RBFOX1: variants seen among roughly 807,000 people sequenced by gnomAD.
The protein encoded by RBFOX1 is RNA binding protein fox-1 homolog 1.
RBFOX1 carries 8 observed loss-of-function variants against 57.7 expected under a neutral mutation model. The ratio of observed to expected loss-of-function variants is 0.14; its 90% confidence interval spans 0.08 to 0.25. The LOEUF (loss-of-function observed/expected upper bound fraction) is 0.25. Ranked by LOEUF, RBFOX1 falls within the 10% of genes least tolerant of loss-of-function variation. RBFOX1 has a pLI of 1.00. For missense variants in RBFOX1, 611 were observed against 548.5 expected (o/e 1.11, Z -1.14); for synonymous variants, 326 against 222.4 (o/e 1.47, Z -4.15).
chr16:7,024,423 G>T (rs923319033), intron 3 of RBFOX1, among the ~76,000 whole-genome samples: 1 of 152,012 alleles, frequency 6.6e-6, no homozygotes, highest in Admixed American at 6.6e-5. Context: ...TTTCTGTTTG[G>T]GGAACATTAA....
At chr16:6,274,305 T>G (rs1274171940) in intron 1 of RBFOX1, among the ~76,000 whole-genome samples, 1 of 152,164 alleles carries the variant, frequency 6.6e-6, no homozygotes, top group African/African-American at 2.4e-5. Context: ...CCTACATATA[T>G]TTCACTGGGC....
intron 4 of RBFOX1, among the ~76,000 whole-genome samples, chr16:7,273,242 CT>C (rs1567986011): frequency 4.2e-5 from 6 of 143,968 alleles, no homozygotes; most frequent in African/African-American, 1.5e-4. Flanking sequence ...TCCTTCCTTC[CT>C]TCCTTCCTTC....
At chr16:5,588,576 G>A (rs967738771) in intron 2 of RBFOX1, among the ~76,000 whole-genome samples, 1 of 152,068 alleles carries the variant, frequency 6.6e-6, no homozygotes, top group Non-Finnish European at 1.5e-5. Context: ...GGGCTGTTTT[G>A]TGTCTCTATG....
At chr16:6,913,721 G>A (rs1476674740) in intron 3 of RBFOX1, among the ~76,000 whole-genome samples, 5 of 152,220 alleles carry the variant, frequency 3.3e-5, no homozygotes, top group African/African-American at 2.4e-5. Context: ...CCTCCCCTGC[G>A]TACCCTCCTA....
At chr16:6,434,564 CA>C (rs1567265498) in intron 2 of RBFOX1, among the ~76,000 whole-genome samples, 3 of 152,268 alleles carry the variant, frequency 2.0e-5, no homozygotes, top group Non-Finnish European at 2.9e-5. Context: ...ACATAGGAAG[CA>C]ACTTCTAAAA....
intron 4 of RBFOX1, among the ~76,000 whole-genome samples, chr16:7,193,914 A>C (rs1378878488): frequency 6.6e-6 from 1 of 152,218 alleles, no homozygotes; most frequent in East Asian, 1.9e-4. Flanking sequence ...AAGATATTCT[A>C]GTAGCAGTTG....
chr16:5,625,113 AT>A (rs2048310717), intron 3 of RBFOX1, among the ~76,000 whole-genome samples: 1 of 151,966 alleles, frequency 6.6e-6, no homozygotes, highest in Admixed American at 6.5e-5. Context: ...CAGCGTTACC[AT>A]TTTGCATGTG....
chr16:5,628,969 G>A (rs1180890498), intron 3 of RBFOX1, among the ~76,000 whole-genome samples: 1 of 152,186 alleles, frequency 6.6e-6, no homozygotes, highest in East Asian at 1.9e-4. Flanking sequence ...GATGCCAAAT[G>A]TCAACAGAGT....
At chr16:6,270,657 G>A (rs949003892) in intron 1 of RBFOX1, among the ~76,000 whole-genome samples, 2 of 152,072 alleles carry the variant, frequency 1.3e-5, no homozygotes, top group African/African-American at 2.4e-5. Flanking sequence ...ACACTATTAG[G>A]AATTAATAGG....
intron 1 of RBFOX1, among the ~76,000 whole-genome samples, chr16:6,190,242 C>G (rs2097133237): frequency 6.6e-6 from 1 of 152,166 alleles, no homozygotes; most frequent in Admixed American, 6.6e-5. Flanking sequence ...TTGAATGACT[C>G]CATTTTGGCT....
rs368394942 is a variant in RBFOX1 at position 7,053,818 on chromosome 16, C to T, written c.27+1720C>T. 7.9e-5 allele frequency among the ~76,000 whole-genome samples: 12 copies of T among 152,208 alleles called. 1 individual carries two copies. The highest frequency in any genetic ancestry group is 5.8e-4 in the East Asian group (3 of 5,172). ...TCCAATAGCCCCATCTCTAACATCA[C>T]GAACCAGTGCTTTGTTTGTTGTTAC... On this transcript the variant is annotated intron_variant, in intron 4 of 15. Coordinates refer to ENST00000550418, the MANE Select transcript of RBFOX1 (RefSeq NM_018723.4).
At chr16:7,182,851 C>T (rs1449172170) in intron 4 of RBFOX1, among the ~76,000 whole-genome samples, 1 of 152,164 alleles carries the variant, frequency 6.6e-6, no homozygotes, top group African/African-American at 2.4e-5. Flanking sequence ...ATGGCAATTG[C>T]ATTTTAGCTC....
intron 2 of RBFOX1, among the ~76,000 whole-genome samples, chr16:6,631,537 T>A (rs2098384949): frequency 6.6e-6 from 1 of 152,058 alleles, no homozygotes; most frequent in Non-Finnish European, 1.5e-5. Context: ...GAGGTTTTGT[T>A]CTGGGTGTCA....
intron 4 of RBFOX1, among the ~76,000 whole-genome samples, chr16:7,253,875 T>G (rs2094577806): frequency 6.6e-6 from 1 of 152,112 alleles, no homozygotes; most frequent in South Asian, 2.1e-4. Context: ...ATTGGAGGAT[T>G]TAATATTTTG....
At chr16:7,271,632 C>T (rs1462399585) in intron 4 of RBFOX1, among the ~76,000 whole-genome samples, 1 of 152,128 alleles carries the variant, frequency 6.6e-6, no homozygotes, top group Non-Finnish European at 1.5e-5. Context: ...TACGTGACTA[C>T]TAACCAAGAC....
At chr16:5,968,881 T>C (rs753979193) in intron 4 of RBFOX1, among the ~76,000 whole-genome samples, 1 of 152,260 alleles carries the variant, frequency 6.6e-6, no homozygotes, top group Non-Finnish European at 1.5e-5. Flanking sequence ...TCTTGAATCT[T>C]CTTTTTATTT....
At chr16:6,897,280 G>C (rs1337674815) in intron 3 of RBFOX1, among the ~76,000 whole-genome samples, 5 of 152,202 alleles carry the variant, frequency 3.3e-5, no homozygotes, top group Non-Finnish European at 7.3e-5. Context: ...AAATTAGCTT[G>C]TAAGCCCAGC....
rs536623935 is a variant in RBFOX1 at position 5,249,615 on chromosome 16, TGTTA to T, written c.219+9514_219+9517del. ...GGGTCTATGTGGTCTGAGTATAATT[TGTTA>T]GTTTTTGTTCTGCTTATTAAAAATA... On this transcript the variant is annotated intron_variant, in intron 1 of 2. Transcript: ENST00000585867. Among the ~76,000 whole-genome samples, 265 of 152,364 alleles carry T rather than the reference TGTTA, an allele frequency of 1.7e-3. 1 individual carries two copies. The highest frequency in any genetic ancestry group is 3.4e-3 in the Middle Eastern group (1 of 294).
At chr16:6,949,907 C>T (rs745706682) in intron 3 of RBFOX1, among the ~76,000 whole-genome samples, 13 of 151,552 alleles carry the variant, frequency 8.6e-5, no homozygotes, top group Non-Finnish European at 1.3e-4. Flanking sequence ...TCTTCATCCT[C>T]AGCGTAGGTA....
Sources: gnomAD v4.1 joint callset for allele counts (sites outside exome capture counted in the v4.1 genomes callset) on GRCh38, gnomAD v4.1.1 for gene constraint, MANE v1.5 for transcripts, NCBI Gene and HGNC (gene_info 2026-07-23, HGNC 2026-07-21) for gene names.